The following MTHFD2L variants were observed in gnomAD, a reference collection of about 807,000 sequenced individuals.
The protein encoded by MTHFD2L is bifunctional methylenetetrahydrofolate dehydrogenase/cyclohydrolase 2, mitochondrial.
A neutral mutation model predicts 34.9 loss-of-function variants in MTHFD2L; 29 were observed. That is an observed-to-expected ratio of 0.83 (90% CI 0.62 to 1.13). The LOEUF is 1.13. MTHFD2L is among the 50% of genes most tolerant of loss of function. The probability of loss-of-function intolerance (pLI) is 0.00; values close to 1 mark genes in which losing one functional copy is unlikely to be tolerated. For synonymous variants in MTHFD2L, 167 were observed against 155.7 expected, an observed-to-expected ratio of 1.07 and a Z score of -0.54; for missense variants, 481 against 446.5, an observed-to-expected ratio of 1.08 and a Z score of -0.70.
In MTHFD2L at chr4:74,142,746, T is replaced by A. The variant is rs200856549; in HGVS notation, c.-297+17229T>A. On this transcript the variant is annotated intron_variant, in intron 1 of 7. Transcript: ENST00000433372. ...TCTGCAACCCCTACGTGCACTCCAG[T>A]TTTAGAAGCAATGACATGGTCCTGC... Among the ~76,000 whole-genome samples the A allele has an allele frequency of 2.6e-5, 4 of 152,152 alleles. No individual in the cohort carries two copies. In the East Asian group the frequency reaches 7.7e-4, roughly 29 times the overall value.
intron 6 of MTHFD2L, among the ~76,000 whole-genome samples, chr4:74,271,589 T>C (rs2110248384): frequency 6.6e-6 from 1 of 152,326 alleles, no homozygotes; most frequent in Admixed American, 6.5e-5. Context: ...TAGTATAGTT[T>C]GAAGTCAGGT....
chr4:74,285,741 A>G (rs1034171161), intron 7 of MTHFD2L, among the ~76,000 whole-genome samples: 2 of 152,202 alleles, frequency 1.3e-5, no homozygotes, highest in African/African-American at 2.4e-5. Flanking sequence ...CACTGTTTCA[A>G]CAGTCATCTT....
At chr4:74,230,463 G>GCA (rs1359533688) in intron 6 of MTHFD2L, among the ~76,000 whole-genome samples, 1 of 151,754 alleles carries the variant, frequency 6.6e-6, no homozygotes, top group African/African-American at 2.4e-5. Context: ...GGTGGTGGGT[G>GCA]CCTGTAATCC....
Position 74,201,352 on chromosome 4 carries a change from G to GA in MTHFD2L, c.695dup (p.His233AlafsTer2), listed in dbSNP as rs1734390859. ...TGCCATGCTTTTACACACTGATGGAGAGCATGAACGGCCAGGAGGTAGGTA... is the reference window on the plus strand; with the variant it reads ...TGCCATGCTTTTACACACTGATGGAGAAGCATGAACGGCCAGGAGGTAGGTA... On this transcript the variant is annotated frameshift_variant, in exon 5 of 8. Transcript: ENST00000325278. LOFTEE classifies it high-confidence loss of function. 1 of 1,613,302 alleles carries GA rather than the reference G, an allele frequency of 6.2e-7. No homozygotes were observed. The highest frequency in any genetic ancestry group is 8.5e-7 in the Non-Finnish European group (1 of 1,179,450).
At chr4:74,225,869 G>A (rs1739073215) in intron 6 of MTHFD2L, among the ~76,000 whole-genome samples, 1 of 152,100 alleles carries the variant, frequency 6.6e-6, no homozygotes, top group South Asian at 2.1e-4. Context: ...AAAGTTGATG[G>A]ATGAGACCAT....
At position 74,241,110 on chromosome 4, in the gene MTHFD2L, G is replaced by A. The variant is rs181759083; in HGVS notation, c.805+15716G>A. ...TCTAGTTCTTAATTAGCGCCAAGAG[G>A]AAGGAGTGGGGCAAGAATATGAGGG... On this transcript the variant is annotated intron_variant, in intron 6 of 7. Transcript: ENST00000325278. 3.4e-3 allele frequency among the ~76,000 whole-genome samples: 522 copies of A among 152,244 alleles called. 6 individuals carry two copies. Among genetic ancestry groups the A allele is most frequent in the African/African-American group, 0.012 (483 of 41,560 alleles).
intron 1 of MTHFD2L, among the ~76,000 whole-genome samples, chr4:74,174,069 T>G (rs1728546758): frequency 6.6e-6 from 1 of 152,108 alleles, no homozygotes; most frequent in Non-Finnish European, 1.5e-5. Flanking sequence ...GCCTGCTTTT[T>G]GGTTAATAGA....
At chr4:74,242,540 A>C (rs1368956194) in intron 6 of MTHFD2L, among the ~76,000 whole-genome samples, 1 of 152,190 alleles carries the variant, frequency 6.6e-6, no homozygotes, top group East Asian at 1.9e-4. Flanking sequence ...CAAAAAGTTG[A>C]GGCTTAAAGT....
At chr4:74,230,969 A>T (rs1206052264) in intron 6 of MTHFD2L, among the ~76,000 whole-genome samples, 2 of 152,062 alleles carry the variant, frequency 1.3e-5, no homozygotes, top group African/African-American at 4.8e-5. Flanking sequence ...TGAGCTGCTG[A>T]GTCAATGCCA....
intron 5 of MTHFD2L, among the ~76,000 whole-genome samples, chr4:74,203,675 T>TG (rs1734825757): frequency 6.6e-6 from 1 of 152,150 alleles, no homozygotes; most frequent in African/African-American, 2.4e-5. Context: ...AACTCACTGT[T>TG]GCAACAATAG....
At chr4:74,171,207 AAAG>A (rs1377848721) in intron 1 of MTHFD2L, among the ~76,000 whole-genome samples, 2 of 152,210 alleles carry the variant, frequency 1.3e-5, no homozygotes, top group Admixed American at 6.5e-5. Context: ...TTAATTCACT[AAAG>A]AAGATCACAG....
Position 74,189,691 on chromosome 4 carries a change from A to G in MTHFD2L, c.452-10103A>G, listed in dbSNP as rs182720053. 1.6e-3 allele frequency among the ~76,000 whole-genome samples: 240 copies of G among 152,070 alleles called. 1 individual carries two copies. Among genetic ancestry groups the G allele is most frequent in the African/African-American group, 5.5e-3 (229 of 41,508 alleles). ...TAGAATTACATCTTTTTGAACAGTT[A>G]TTATCAAAAATTTGTTATATCATCT... On this transcript the variant is annotated intron_variant, in intron 3 of 7. Coordinates refer to ENST00000325278, the MANE Select transcript of MTHFD2L (RefSeq NM_001144978.3).
At chr4:74,215,259 C>A (rs1737012205) in intron 5 of MTHFD2L, among the ~76,000 whole-genome samples, 2 of 151,844 alleles carry the variant, frequency 1.3e-5, no homozygotes, top group Non-Finnish European at 2.9e-5. Context: ...AAAACTCCTG[C>A]AGCTAGCTTG....
chr4:74,284,531 GT>G lies in MTHFD2L; in HGVS notation c.931+2992del, dbSNP rs1019825319. Among the ~76,000 whole-genome samples, 970 of 143,766 alleles carry G rather than the reference GT, an allele frequency of 6.7e-3. 4 individuals are homozygous for G. Among genetic ancestry groups the G allele is most frequent in the African/African-American group, 0.022 (873 of 39,560 alleles). 94.3% of individuals were successfully genotyped at this position (143,766 alleles called of 152,430 possible). A position where few individuals can be genotyped will look rare whatever the true frequency, so the allele number is the denominator to read the frequency against. On this transcript the variant is annotated intron_variant, in intron 7 of 7. Transcript: ENST00000325278. ...CGCCCACTTGTTGATGGGGTTGTTT[GT>G]TTTTTTTTTTCTTGTAAATTTGTTT...
At chr4:74,289,384 G>A (rs1291536709) in intron 7 of MTHFD2L, among the ~76,000 whole-genome samples, 1 of 152,114 alleles carries the variant, frequency 6.6e-6, no homozygotes, top group African/African-American at 2.4e-5. Flanking sequence ...CGGTTTTTAT[G>A]AGCTGCAAGG....
intron 6 of MTHFD2L, among the ~76,000 whole-genome samples, chr4:74,240,546 A>G (rs1029015336): frequency 2.6e-5 from 4 of 152,176 alleles, no homozygotes; most frequent in African/African-American, 4.8e-5. Flanking sequence ...AAACATTTGT[A>G]TTCGATTATA....
chr4:74,193,353 T>G (rs949244664), intron 3 of MTHFD2L, among the ~76,000 whole-genome samples: 5 of 152,224 alleles, frequency 3.3e-5, no homozygotes, highest in Non-Finnish European at 5.9e-5. Context: ...TCTAGATTAC[T>G]GTAGCTTTGT....
chr4:74,281,367 A>C, intron 6 of MTHFD2L, 58 bp from the exon 7 acceptor site: 1 of 1,442,330 alleles, frequency 6.9e-7, no homozygotes, highest in Admixed American at 2.0e-5. Flanking sequence ...AAAGCCTACC[A>C]AAACAGATAT....
At chr4:74,210,000 A>T (rs972618487) in intron 5 of MTHFD2L, among the ~76,000 whole-genome samples, 18 of 152,182 alleles carry the variant, frequency 1.2e-4, no homozygotes, top group African/African-American at 4.1e-4. Flanking sequence ...TCTTCTTTTA[A>T]AAAGTGTCTG....
Sources: allele counts gnomAD v4.1 joint callset (sites outside exome capture counted in the v4.1 genomes callset), GRCh38; gene constraint gnomAD v4.1.1; transcripts MANE v1.5; gene names NCBI Gene and HGNC (gene_info 2026-07-23, HGNC 2026-07-21).